Variants in CDH20 observed in about 807,000 individuals in gnomAD.
CDH20 encodes the protein cadherin-20.
CDH20 carries 29 observed loss-of-function variants against 74.2 expected under a neutral mutation model. That is an observed-to-expected ratio of 0.39 (90% CI 0.29 to 0.53). The LOEUF (loss-of-function observed/expected upper bound fraction) is 0.53. CDH20 is among the 20% of genes least tolerant of loss of function. CDH20 has a pLI of 0.69. For synonymous variants in CDH20, 469 were observed against 405.4 expected, an observed-to-expected ratio of 1.16 and a Z score of -1.88; for missense variants, 988 against 1,048.3, an observed-to-expected ratio of 0.94 and a Z score of 0.79.
chr18:61,422,526 G>A lies in CDH20; in HGVS notation c.-152-67876G>A, dbSNP rs898029329. On this transcript the variant is annotated intron_variant, in intron 1 of 11. Transcript: ENST00000262717. ...CTGTTGACCTTTGCTGTGTTTTTAG[G>A]AGAAGCTGTTATCAGAAGAAAACTC... 2.6e-5 allele frequency among the ~76,000 whole-genome samples: 4 copies of A among 152,052 alleles called. No individual in the cohort carries two copies. The East Asian group carries it at 7.7e-4, about 29-fold the overall frequency.
chr18:61,428,588 C>T lies in CDH20; in HGVS notation c.-152-61814C>T, dbSNP rs1223724402. On this transcript the variant is annotated intron_variant, in intron 1 of 11. Transcript: ENST00000262717. The stretch of plus-strand genomic sequence containing the variant: ...CCCCATCAACACTGACACCTTGCAT[C>T]TCAATATCTCAGCTCTCTTAGCTTC... Among the ~76,000 whole-genome samples the T allele has an allele frequency of 4.6e-5, 7 of 152,170 alleles. No individual in the cohort carries two copies. In the East Asian group the frequency reaches 1.2e-3, roughly 25 times the overall value.
At chr18:61,357,182 C>T (rs555442921) in intron 1 of CDH20, among the ~76,000 whole-genome samples, 21 of 152,256 alleles carry the variant, frequency 1.4e-4, no homozygotes, top group African/African-American at 4.1e-4. Context: ...TAGATTTTAC[C>T]CGTCTTTTGC....
chr18:61,456,624 C>T lies in CDH20; in HGVS notation c.-152-33778C>T, dbSNP rs148945459. ...CAAAAACCTAGTTTTGGATGGGAGA[C>T]ATTTTGCAATGAAACACTTTATCTT... On this transcript the variant is annotated intron_variant, in intron 1 of 11. Transcript: ENST00000262717. 5.2e-4 allele frequency among the ~76,000 whole-genome samples: 79 copies of T among 151,818 alleles called. No homozygotes were observed. In the East Asian group the frequency reaches 0.013, roughly 26 times the overall value.
Position 61,539,109 on chromosome 18 carries a change from T to C in CDH20, c.1494T>C (p.Tyr498=). 1 of 1,614,128 alleles carries C rather than the reference T, an allele frequency of 6.2e-7. No homozygotes were observed. The highest frequency in any genetic ancestry group is 1.7e-4 in the Middle Eastern group (1 of 6,060). Residue 498 remains tyrosine, a synonymous_variant, in exon 9 of 12, where the codon TAT becomes TAC. Coordinates refer to ENST00000262717, the MANE Select transcript of CDH20 (RefSeq NM_031891.4). The part of the protein sequence containing the change: ...NDNAPEFPRF[Y]EAFVCENAKA... ...ATGCTCCAGAGTTCCCCAGATTCTA[T>C]GAAGCTTTTGTCTGTGAGAACGCCA...
At position 61,353,109 on chromosome 18, in the gene CDH20, C is replaced by T. The variant is rs1335890924; in HGVS notation, c.-153+19282C>T. 6.6e-6 allele frequency among the ~76,000 whole-genome samples: 1 copy of T among 152,206 alleles called. No individual in the cohort carries two copies. Among genetic ancestry groups the T allele is most frequent in the Non-Finnish European group, 1.5e-5 (1 of 68,048 alleles). On this transcript the variant is annotated intron_variant, in intron 1 of 11. Transcript: ENST00000262717. The surrounding 1 kb of genome is among the most constrained non-coding windows in gnomAD (Gnocchi z 4.6). ...CCCTGGTCACCTCCCCTGCAATCAC[C>T]TCCATGATGTGTGCCCCAACAAAGG...
chr18:61,449,537 T>C (rs115254991), intron 1 of CDH20, among the ~76,000 whole-genome samples: 2,149 of 152,192 alleles, frequency 0.014, 47 homozygotes, highest in African/African-American at 0.047. Context: ...GAATAATATA[T>C]TGTCCAAGCG....
rs1910930648 is a variant in CDH20, at chr18:61,490,724, C to A, written c.171C>A (p.Thr57=). 2 of 1,614,090 alleles carry A rather than the reference C, an allele frequency of 1.2e-6. No individual in the cohort carries two copies. The highest frequency in any genetic ancestry group is 1.7e-6 in the Non-Finnish European group (2 of 1,180,018). The part of the protein sequence containing the change: ...LSDKPQSHQR[T]KRSWVWNQFF... ...ACAAGCCACAGTCACATCAGCGGAC[C>A]AAGAGGAGCTGGGTTTGGAACCAGT... is the stretch of plus-strand genomic sequence containing the variant. Residue 57 remains threonine (T), a synonymous_variant, in exon 2 of 12, where the codon ACC becomes ACA. Coordinates refer to ENST00000262717, the MANE Select transcript of CDH20 (RefSeq NM_031891.4).
At chr18:61,400,937 G>A (rs938911768) in intron 1 of CDH20, among the ~76,000 whole-genome samples, 4 of 152,220 alleles carry the variant, frequency 2.6e-5, no homozygotes, top group African/African-American at 9.6e-5. Flanking sequence ...TAGTGGGAAA[G>A]AGGAAGTGGC....
At chr18:61,381,485 G>C (rs1190262509) in intron 1 of CDH20, among the ~76,000 whole-genome samples, 1 of 152,134 alleles carries the variant, frequency 6.6e-6, no homozygotes, top group Admixed American at 6.5e-5. Flanking sequence ...GGGTTATCTT[G>C]CTCTCCTATC....
At chr18:61,382,162 A>T (rs1911453278) in intron 1 of CDH20, among the ~76,000 whole-genome samples, 1 of 152,200 alleles carries the variant, frequency 6.6e-6, no homozygotes, top group Admixed American at 6.5e-5. Context: ...AATTACAAAC[A>T]TCATGGACTG....
intron 5 of CDH20, among the ~76,000 whole-genome samples, chr18:61,505,335 C>CTT (rs35833642): frequency 5.5e-4 from 64 of 117,420 alleles, no homozygotes; most frequent in Middle Eastern, 4.3e-3. Context: ...AAACCAATAT[C>CTT]TTTTTTTTTT....
chr18:61,538,970 T>TC (rs1328256552), intron 8 of CDH20, 54 bp from the exon 9 acceptor site: 9 of 1,596,774 alleles, frequency 5.6e-6, no homozygotes, highest in Non-Finnish European at 7.7e-6. Flanking sequence ...TACTCTTTTT[T>TC]TTCTTTTGGC....
intron 7 of CDH20, among the ~76,000 whole-genome samples, chr18:61,535,404 A>G (rs1486429060): frequency 1.3e-5 from 2 of 152,216 alleles, no homozygotes; most frequent in East Asian, 3.8e-4. Context: ...ATGGTTCTCA[A>G]TCATGGCTAC....
At chr18:61,413,919 G>C (rs1912598097) in intron 1 of CDH20, among the ~76,000 whole-genome samples, 1 of 152,108 alleles carries the variant, frequency 6.6e-6, no homozygotes, top group Non-Finnish European at 1.5e-5. Context: ...ATATAATGCA[G>C]TATGCATTAA....
chr18:61,490,277 C>G (rs1910907390), intron 1 of CDH20, 125 bp from the exon 2 acceptor site: 1 of 344,350 alleles, frequency 2.9e-6, no homozygotes, highest in Admixed American at 4.3e-5. Flanking sequence ...AAAGCAATAA[C>G]CTGTTATGAC....
At chr18:61,430,071 T>C (rs1329911753) in intron 1 of CDH20, among the ~76,000 whole-genome samples, 1 of 143,064 alleles carries the variant, frequency 7.0e-6, no homozygotes, top group Non-Finnish European at 1.5e-5. Flanking sequence ...CACTCCTGGC[T>C]TTTTTTTTTT....
chr18:61,364,706 G>A (rs778537023), intron 1 of CDH20, among the ~76,000 whole-genome samples: 5 of 152,148 alleles, frequency 3.3e-5, no homozygotes, highest in African/African-American at 1.2e-4. Flanking sequence ...TGATCTCTGC[G>A]CATGTCAGCT....
intron 1 of CDH20, among the ~76,000 whole-genome samples, chr18:61,424,114 AC>A (rs1443882758): frequency 2.6e-5 from 4 of 152,220 alleles, no homozygotes; most frequent in Non-Finnish European, 5.9e-5. Flanking sequence ...GTACATACTT[AC>A]GGGGTACATG....
intron 1 of CDH20, among the ~76,000 whole-genome samples, chr18:61,483,166 G>A (rs560671793): frequency 6.6e-6 from 1 of 152,256 alleles, no homozygotes; most frequent in African/African-American, 2.4e-5. Flanking sequence ...AAGGGGTCCT[G>A]TAACCCTCAT....
Sources: gnomAD v4.1 joint callset for allele counts (sites outside exome capture counted in the v4.1 genomes callset) on GRCh38, gnomAD v4.1.1 for gene constraint, Gnocchi (gnomAD v3.1) non-coding constraint, MANE v1.5 for transcripts, NCBI Gene and HGNC (gene_info 2026-07-23, HGNC 2026-07-21) for gene names.